The following SLC17A8 variants were observed in gnomAD, a reference collection of about 807,000 sequenced individuals.
The protein encoded by SLC17A8 is vesicular glutamate transporter 3.
SLC17A8 carries 31 observed loss-of-function variants against 58.0 expected under a neutral mutation model. That is an observed-to-expected ratio of 0.53 (90% CI 0.40 to 0.72). The LOEUF is 0.72. SLC17A8 is among the 30% of genes least tolerant of loss of function. SLC17A8 has a pLI of 0.00. For synonymous variants in SLC17A8, 228 were observed against 249.0 expected, an observed-to-expected ratio of 0.92 and a Z score of 0.79; for missense variants, 655 against 727.8, an observed-to-expected ratio of 0.90 and a Z score of 1.15.
chr12:100,372,843 G>A (rs976873650), intron 1 of SLC17A8, among the ~76,000 whole-genome samples: 4 of 152,090 alleles, frequency 2.6e-5, no homozygotes, highest in African/African-American at 9.7e-5. Flanking sequence ...AGGATTGCAG[G>A]CGTGAGCCAC....
In SLC17A8 at chr12:100,402,334, C is replaced by G. The variant is rs565848388; in HGVS notation, c.764-6C>G. The stretch of plus-strand genomic sequence containing the variant: ...TATAACCCAGCCTTTTCTTTTTTAA[C>G]TGCAGGCATGTTTGGGATTATTTGG... On this transcript the variant is annotated splice_region_variant and splice_polypyrimidine_tract_variant and intron_variant, in intron 6 of 11. Transcript: ENST00000323346. 6.2e-7 allele frequency: 1 copy of G among 1,613,912 alleles called. No individual in the cohort carries two copies. The highest frequency in any genetic ancestry group is 2.2e-5 in the East Asian group (1 of 44,868).
Position 100,402,327 on chromosome 12 carries a change from T to C in SLC17A8, c.764-13T>C. The C allele has an allele frequency of 1.9e-6, 3 of 1,614,112 alleles. No individual in the cohort carries two copies. The highest frequency in any genetic ancestry group is 2.5e-6 in the Non-Finnish European group (3 of 1,180,016). ...GAGACCATATAACCCAGCCTTTTCT[T>C]TTTTAACTGCAGGCATGTTTGGGAT... is the stretch of plus-strand genomic sequence containing the variant. On this transcript the variant is annotated splice_polypyrimidine_tract_variant and intron_variant, in intron 6 of 11. Transcript: ENST00000323346.
At chr12:100,361,181 C>T (rs529199781) in intron 1 of SLC17A8, among the ~76,000 whole-genome samples, 2 of 152,328 alleles carry the variant, frequency 1.3e-5, no homozygotes, top group South Asian at 4.1e-4. Flanking sequence ...GATCACATCT[C>T]ACCCCTGCTC....
At chr12:100,396,261 C>T (rs1200430742) in intron 4 of SLC17A8, 69 bp from the exon 5 acceptor site, 4 of 1,198,520 alleles carry the variant, frequency 3.3e-6, no homozygotes, top group Non-Finnish European at 5.0e-6. Context: ...GAAGAAGCAG[C>T]ATCCATATTT....
intron 1 of SLC17A8, among the ~76,000 whole-genome samples, chr12:100,365,755 T>G (rs1440711412): frequency 6.6e-6 from 1 of 152,194 alleles, no homozygotes; most frequent in Non-Finnish European, 1.5e-5. Context: ...CACACATGTC[T>G]TACTGAGGCA....
rs1952793451 is a variant in SLC17A8, at chr12:100,401,838, A to T, written c.738A>T (p.Gly246=). Residue 246 remains glycine (G), a synonymous_variant, in exon 6 of 12, where the codon GGA becomes GGT. Transcript: ENST00000323346. ...CTGGGGTGTTGGTGCAGTACATTGG[A>T]TGGTCCTCTGTCTTTTATATTTATG... ...PLAGVLVQYI[G]WSSVFYIYGM... is the part of the protein sequence containing the mutation. The T allele has an allele frequency of 6.2e-7, 1 of 1,613,762 alleles. No individual in the cohort carries two copies. Among genetic ancestry groups the T allele is most frequent in the Admixed American group, 1.7e-5 (1 of 59,990 alleles).
chr12:100,397,695 C>A (rs372163544), intron 5 of SLC17A8, among the ~76,000 whole-genome samples: 1 of 152,300 alleles, frequency 6.6e-6, no homozygotes, highest in Admixed American at 6.5e-5. Flanking sequence ...GTAATCCCAG[C>A]ACTTTGGGAG....
At position 100,362,973 on chromosome 12, in the gene SLC17A8, T is replaced by C. The variant is rs374672663; in HGVS notation, c.101+5481T>C. Among the ~76,000 whole-genome samples the C allele has an allele frequency of 5.3e-5, 8 of 152,318 alleles. No homozygotes were observed. The South Asian group carries it at 1.5e-3, about 28-fold the overall frequency. On this transcript the variant is annotated intron_variant, in intron 1 of 11. Coordinates refer to ENST00000323346, the MANE Select transcript of SLC17A8 (RefSeq NM_139319.3). ...AACTAGCCAAGGCAGTATCAGGAGATGTCCCAGCAGATCATCTGGGTGCCA... is the reference window on the plus strand; with the variant it reads ...AACTAGCCAAGGCAGTATCAGGAGACGTCCCAGCAGATCATCTGGGTGCCA...
chr12:100,419,998 G>A lies in SLC17A8; in HGVS notation c.1609G>A (p.Glu537Lys). Residue 537 changes from glutamate (E) to lysine (K), a missense_variant, in exon 12 of 12, where the codon GAG becomes AAG. Transcript: ENST00000323346. ...AGCTGAGGAGATAGAACTCAACCAT[G>A]AGAGTTTTGCGAGTCCCAAAAAGAA... ...ELAEEIELNH[E>K]SFASPKKKMS... 6.2e-7 allele frequency: 1 copy of A among 1,614,062 alleles called. No individual in the cohort carries two copies. The highest frequency in any genetic ancestry group is 1.1e-5 in the South Asian group (1 of 91,066).
rs541614834 is a variant in SLC17A8 at position 100,393,529 on chromosome 12, G to A, written c.588+46G>A. 183 of 1,388,828 alleles carry A rather than the reference G, an allele frequency of 1.3e-4. 2 individuals are homozygous for A. Among genetic ancestry groups the A allele is most frequent in the Middle Eastern group, 1.8e-4 (1 of 5,648 alleles). 86.0% of individuals were successfully genotyped at this position (1,388,828 alleles called of 1,614,324 possible). A position where few individuals can be genotyped will look rare whatever the true frequency, so the allele number is the denominator to read the frequency against. On this transcript the variant is annotated intron_variant, in intron 4 of 11. Transcript: ENST00000323346. ...AGTTTTTGATATTGCTAGAGACAGC[G>A]CAGTCCTTTAGAAAATTCACCTTCT...
chr12:100,391,187 A>T (rs1952713443), intron 3 of SLC17A8, 68 bp downstream of exon 3: 1 of 1,116,510 alleles, frequency 9.0e-7, no homozygotes, highest in African/African-American at 1.5e-5. Context: ...AATTCTGCAT[A>T]GCTGGCTCTC....
rs748732479 is a variant in SLC17A8, at chr12:100,419,989, C to T, written c.1600C>T (p.Leu534Phe). 11 of 1,613,936 alleles carry T rather than the reference C, an allele frequency of 6.8e-6. No homozygotes were observed. The East Asian group carries it at 2.0e-4, about 29-fold the overall frequency. ...GGACGAATTAGCTGAGGAGATAGAA[C>T]TCAACCATGAGAGTTTTGCGAGTCC... The part of the protein sequence containing the change: ...DQDELAEEIE[L>F]NHESFASPKK... The change falls in exon 12 of 12, where the codon CTC (leucine) becomes TTC (phenylalanine). Residue 534 changes from leucine to phenylalanine, a missense_variant. By Grantham distance (22) the Leu-to-Phe change is conservative. Transcript: ENST00000323346.
intron 1 of SLC17A8, among the ~76,000 whole-genome samples, chr12:100,375,546 A>T (rs532080183): frequency 6.6e-6 from 1 of 152,302 alleles, no homozygotes; most frequent in African/African-American, 2.4e-5. Context: ...ACAGCCTGTG[A>T]GAAAGAGGCG....
intron 8 of SLC17A8, 72 bp from the exon 9 acceptor site, chr12:100,403,966 T>A (rs1323047368): frequency 9.5e-6 from 15 of 1,577,264 alleles, no homozygotes; most frequent in Non-Finnish European, 1.3e-5. Flanking sequence ...GGAGTGGAGG[T>A]GGGCAAGGGA....
chr12:100,379,430 G>A (rs757142978), intron 1 of SLC17A8, among the ~76,000 whole-genome samples: 5 of 49,832 alleles, frequency 1.0e-4, no homozygotes, highest in South Asian at 8.2e-4. Flanking sequence ...CCGAGATTCC[G>A]TCCCCAAAAA....
chr12:100,403,503 A>G (rs1952806256), intron 8 of SLC17A8, among the ~76,000 whole-genome samples: 1 of 152,118 alleles, frequency 6.6e-6, no homozygotes, highest in Non-Finnish European at 1.5e-5. Context: ...TAAACAGAAA[A>G]AAAAGAAAGA....
intron 5 of SLC17A8, among the ~76,000 whole-genome samples, chr12:100,400,251 G>A (rs1260737714): frequency 1.3e-5 from 2 of 152,166 alleles, no homozygotes; most frequent in Non-Finnish European, 2.9e-5. Context: ...ACAGCAGAAT[G>A]AGACCTGCAG....
chr12:100,370,822 G>A (rs560991897), intron 1 of SLC17A8, among the ~76,000 whole-genome samples: 1 of 152,220 alleles, frequency 6.6e-6, no homozygotes, highest in African/African-American at 2.4e-5. Flanking sequence ...TTAAATGGGG[G>A]GATAGGAAAG....
chr12:100,395,566 C>A (rs776081125), intron 4 of SLC17A8, among the ~76,000 whole-genome samples: 3 of 151,956 alleles, frequency 2.0e-5, no homozygotes, highest in African/African-American at 4.8e-5. Flanking sequence ...CTTAGGTGAT[C>A]CGCCCACCTC....
Sources: gnomAD v4.1 joint callset for allele counts (sites outside exome capture counted in the v4.1 genomes callset) on GRCh38, gnomAD v4.1.1 for gene constraint, MANE v1.5 for transcripts, NCBI Gene and HGNC (gene_info 2026-07-23, HGNC 2026-07-21) for gene names.